ITGBL1: variants seen among roughly 807,000 people sequenced by gnomAD.
The protein encoded by ITGBL1 is integrin beta-like protein 1.
Under a neutral mutation model 68.5 loss-of-function variants are expected in ITGBL1, and 51 were observed. The ratio of observed to expected loss-of-function variants is 0.74; its 90% CI spans 0.59 to 0.94. ITGBL1 has a LOEUF of 0.94. ITGBL1 is among the 40% of genes least tolerant of loss of function. ITGBL1 has a pLI of 0.00. For missense variants in ITGBL1, 649 were observed against 647.4 expected, an observed-to-expected ratio of 1.00 and a Z score of -0.03; for synonymous variants, 209 against 227.3, an observed-to-expected ratio of 0.92 and a Z score of 0.72.
chr13:101,527,326 T>C (rs1268261733), intron 2 of ITGBL1, among the ~76,000 whole-genome samples: 1 of 152,160 alleles, frequency 6.6e-6, no homozygotes, highest in Non-Finnish European at 1.5e-5. Flanking sequence ...GCATTTCCTA[T>C]AATGTAATAT....
intron 3 of ITGBL1, among the ~76,000 whole-genome samples, chr13:101,573,365 A>G (rs1410295187): frequency 3.9e-5 from 6 of 152,228 alleles, no homozygotes; most frequent in South Asian, 2.1e-4. Context: ...CAAAATCACC[A>G]TTTATATGTA....
chr13:101,707,792 G>T (rs571270722), intron 9 of ITGBL1, among the ~76,000 whole-genome samples: 1 of 150,360 alleles, frequency 6.7e-6, no homozygotes, highest in Non-Finnish European at 1.5e-5. Context: ...CGTGGAGGTC[G>T]CAGTAAACTG....
intron 2 of ITGBL1, among the ~76,000 whole-genome samples, chr13:101,548,704 A>G (rs1465622990): frequency 6.6e-6 from 1 of 151,820 alleles, no homozygotes; most frequent in African/African-American, 2.4e-5. Flanking sequence ...ATCTTATTAT[A>G]TAGCTAAAGC....
At chr13:101,584,525 A>G (rs1436038382) in intron 6 of ITGBL1, among the ~76,000 whole-genome samples, 1 of 152,146 alleles carries the variant, frequency 6.6e-6, no homozygotes, top group Admixed American at 6.5e-5. Context: ...GAACTGTCCC[A>G]TTTAATTATG....
chr13:101,472,096 ACT>A (rs1418076101), intron 2 of ITGBL1, among the ~76,000 whole-genome samples: 3 of 152,148 alleles, frequency 2.0e-5, no homozygotes, highest in Non-Finnish European at 2.9e-5. Context: ...ATTGATATGA[ACT>A]CTCTTATGTA....
At chr13:101,523,497 G>A (rs2049320744) in intron 2 of ITGBL1, among the ~76,000 whole-genome samples, 1 of 152,126 alleles carries the variant, frequency 6.6e-6, no homozygotes, top group Non-Finnish European at 1.5e-5. Context: ...CAAAAATACT[G>A]TGTACCTTTA....
intron 2 of ITGBL1, among the ~76,000 whole-genome samples, chr13:101,498,814 T>A (rs1053738905): frequency 6.6e-6 from 1 of 152,056 alleles, no homozygotes; most frequent in African/African-American, 2.4e-5. Context: ...CGTACCTGAG[T>A]CTGGGTAATT....
chr13:101,696,355 A>T (rs1540460), intron 8 of ITGBL1, among the ~76,000 whole-genome samples: 30,565 of 152,146 alleles, frequency 0.2, 3,560 homozygotes, highest in Non-Finnish European at 0.26. Flanking sequence ...AGGATCAAGG[A>T]TGACACCAGG....
chr13:101,551,954 T>TG (rs1242964227), intron 2 of ITGBL1, among the ~76,000 whole-genome samples: 1 of 152,092 alleles, frequency 6.6e-6, no homozygotes, highest in Non-Finnish European at 1.5e-5. Context: ...GCAGCCTTGA[T>TG]GGGGGTGGTG....
intron 2 of ITGBL1, among the ~76,000 whole-genome samples, chr13:101,543,921 T>C (rs1475969326): frequency 6.6e-6 from 1 of 152,236 alleles, no homozygotes; most frequent in Admixed American, 6.5e-5. Context: ...TTTAAGGACT[T>C]CTCTGCATTG....
At chr13:101,665,856 C>A (rs1449754642) in intron 7 of ITGBL1, among the ~76,000 whole-genome samples, 2 of 152,138 alleles carry the variant, frequency 1.3e-5, no homozygotes. Flanking sequence ...TGCACAAAGA[C>A]CACCACAGTC....
At chr13:101,499,344 C>T (rs1409757372) in intron 2 of ITGBL1, among the ~76,000 whole-genome samples, 1 of 152,168 alleles carries the variant, frequency 6.6e-6, no homozygotes, top group East Asian at 1.9e-4. Context: ...ATTCTGTCAA[C>T]CCCTCCCTCA....
At chr13:101,675,288 A>G (rs889069376) in intron 7 of ITGBL1, among the ~76,000 whole-genome samples, 5 of 150,796 alleles carry the variant, frequency 3.3e-5, no homozygotes, top group Non-Finnish European at 7.4e-5. Context: ...CTTTTTATTT[A>G]TTCTCTTTAT....
At chr13:101,614,525 A>G (rs1409400252) in intron 7 of ITGBL1, among the ~76,000 whole-genome samples, 2 of 152,086 alleles carry the variant, frequency 1.3e-5, no homozygotes, top group African/African-American at 2.4e-5. Context: ...CACATTTTCC[A>G]TTATTAAATC....
At chr13:101,505,899 C>A (rs745921346) in intron 2 of ITGBL1, among the ~76,000 whole-genome samples, 8 of 152,194 alleles carry the variant, frequency 5.3e-5, no homozygotes, top group Non-Finnish European at 1.2e-4. Flanking sequence ...AGAAGCGGAG[C>A]TTGCTGGGAC....
chr13:101,463,897 T>C (rs975261604), intron 2 of ITGBL1, among the ~76,000 whole-genome samples: 4 of 149,290 alleles, frequency 2.7e-5, no homozygotes, highest in Non-Finnish European at 5.9e-5. Context: ...ATAGGAGTCA[T>C]TCTAGTTCTT....
At chr13:101,463,712 G>A (rs1297675447) in intron 2 of ITGBL1, among the ~76,000 whole-genome samples, 1 of 151,870 alleles carries the variant, frequency 6.6e-6, no homozygotes, top group Non-Finnish European at 1.5e-5. Context: ...TCCCAAATAG[G>A]TTGATCCCAG....
intron 7 of ITGBL1, among the ~76,000 whole-genome samples, chr13:101,633,765 G>T (rs1457116194): frequency 2.6e-5 from 4 of 152,160 alleles, no homozygotes; most frequent in Non-Finnish European, 5.9e-5. Context: ...GGTTATTATT[G>T]TGGCAAAATC....
At chr13:101,459,906 A>G (rs1423994324) in intron 2 of ITGBL1, among the ~76,000 whole-genome samples, 3 of 152,160 alleles carry the variant, frequency 2.0e-5, no homozygotes, top group Non-Finnish European at 4.4e-5. Context: ...TTTGACTTTT[A>G]TACTACGAAG....
Sources: gnomAD v4.1 joint callset for allele counts (sites outside exome capture counted in the v4.1 genomes callset) on GRCh38, gnomAD v4.1.1 for gene constraint, MANE v1.5 for transcripts, NCBI Gene and HGNC (gene_info 2026-07-23, HGNC 2026-07-21) for gene names.